AGBL4: variants seen among roughly 807,000 people sequenced by gnomAD.
AGBL4 encodes cytosolic carboxypeptidase 6.
AGBL4 carries 58 observed loss-of-function variants against 66.4 expected under a neutral mutation model. That is an observed-to-expected ratio of 0.87 (90% confidence interval 0.71 to 1.09). The LOEUF is 1.09. AGBL4 is among the 50% of genes least tolerant of loss of function. AGBL4 has a pLI of 0.00. For synonymous variants in AGBL4, 234 were observed against 222.9 expected (o/e 1.05, Z -0.44); for missense variants, 579 against 631.0 (o/e 0.92, Z 0.88).
intron 5 of AGBL4, among the ~76,000 whole-genome samples, chr1:48,996,872 T>G (rs1488587777): frequency 6.6e-6 from 1 of 151,360 alleles, no homozygotes; most frequent in East Asian, 1.9e-4. Context: ...CTTATCTATA[T>G]AAAGATATAA....
chr1:49,850,685 CAT>C (rs1055587721), intron 2 of AGBL4, among the ~76,000 whole-genome samples: 1 of 152,116 alleles, frequency 6.6e-6, no homozygotes, highest in Non-Finnish European at 1.5e-5. Flanking sequence ...TTCAGCCACA[CAT>C]ACACATACTT....
intron 6 of AGBL4, among the ~76,000 whole-genome samples, chr1:48,680,622 T>C (rs1646440306): frequency 6.6e-6 from 1 of 152,238 alleles, no homozygotes; most frequent in African/African-American, 2.4e-5. Context: ...GGCCACCTTG[T>C]GGCAAGGCCG....
chr1:49,070,946 T>G (rs1644591320), intron 4 of AGBL4, among the ~76,000 whole-genome samples: 1 of 152,010 alleles, frequency 6.6e-6, no homozygotes, highest in African/African-American at 2.4e-5. Flanking sequence ...ATTCAGAGAT[T>G]TGACTTCTTC....
intron 1 of AGBL4, among the ~76,000 whole-genome samples, chr1:49,948,311 T>TATATATAAATATATAAAC (rs1246626731): frequency 1.9e-4 from 21 of 108,846 alleles, no homozygotes; most frequent in Admixed American, 1.3e-4. Flanking sequence ...TATATAAATA[T>TATATATAAATATATAAAC]ATATATAAAT....
intron 6 of AGBL4, among the ~76,000 whole-genome samples, chr1:48,722,438 A>G (rs1647166809): frequency 1.3e-5 from 2 of 152,292 alleles, no homozygotes; most frequent in South Asian, 4.2e-4. Context: ...GGTGTGGCAC[A>G]GTGGCAGGTC....
At chr1:48,964,742 T>C (rs1296542936) in intron 5 of AGBL4, among the ~76,000 whole-genome samples, 1 of 152,116 alleles carries the variant, frequency 6.6e-6, no homozygotes, top group African/African-American at 2.4e-5. Context: ...AATAAATACA[T>C]ACATACATAC....
At chr1:48,776,561 A>G in intron 6 of AGBL4, 1 of 748,548 alleles carries the variant, frequency 1.3e-6, no homozygotes, top group Non-Finnish European at 1.8e-6. Context: ...CCGGGGTCCC[A>G]GCCCCCGCCC....
chr1:49,192,055 C>T (rs1319988258), intron 4 of AGBL4, among the ~76,000 whole-genome samples: 4 of 152,100 alleles, frequency 2.6e-5, no homozygotes, highest in Non-Finnish European at 2.9e-5. Flanking sequence ...AATTGCTGTC[C>T]TAATTTACAT....
In AGBL4 at chr1:49,197,670, C is replaced by T. The variant is rs894890755; in HGVS notation, c.377+48100G>A. Among the ~76,000 whole-genome samples, 10 of 152,228 alleles carry T rather than the reference C, an allele frequency of 6.6e-5. No homozygotes were observed. The East Asian group carries it at 7.8e-4, about 12-fold the overall frequency. ...ACCTGTCCTGACCAAGGGAGCTTTT[C>T]GGGATATTCAGTAAAAAGTCACACA... On this transcript the variant is annotated intron_variant, in intron 4 of 13. Coordinates refer to ENST00000371839, the MANE Select transcript of AGBL4 (RefSeq NM_032785.4).
chr1:49,877,266 G>T (rs1326529608), intron 1 of AGBL4, among the ~76,000 whole-genome samples: 2 of 150,818 alleles, frequency 1.3e-5, no homozygotes, highest in African/African-American at 2.5e-5. Flanking sequence ...TCCAGTTTTT[G>T]CCCATTCAGT....
At chr1:49,959,943 A>C (rs1656984370) in intron 1 of AGBL4, among the ~76,000 whole-genome samples, 1 of 152,012 alleles carries the variant, frequency 6.6e-6, no homozygotes, top group Non-Finnish European at 1.5e-5. Context: ...GTATGTTCTC[A>C]CTTTTAAGTG....
At chr1:48,901,749 G>A (rs1275158909) in intron 5 of AGBL4, among the ~76,000 whole-genome samples, 2 of 152,136 alleles carry the variant, frequency 1.3e-5, no homozygotes, top group Non-Finnish European at 2.9e-5. Context: ...GGATGAGTGG[G>A]AATAGGGGAG....
At chr1:49,634,763 G>A (rs911336219) in intron 3 of AGBL4, among the ~76,000 whole-genome samples, 1 of 152,098 alleles carries the variant, frequency 6.6e-6, no homozygotes, top group Non-Finnish European at 1.5e-5. Context: ...ATTCTAACCG[G>A]CATGAGATGG....
chr1:49,730,147 G>GA (rs1649327154), intron 2 of AGBL4, among the ~76,000 whole-genome samples: 1 of 152,032 alleles, frequency 6.6e-6, no homozygotes, highest in East Asian at 1.9e-4. Flanking sequence ...TCACACAGTG[G>GA]GCTACCCACT....
intron 4 of AGBL4, among the ~76,000 whole-genome samples, chr1:49,108,996 G>A (rs922105558): frequency 1.1e-4 from 16 of 152,132 alleles, no homozygotes; most frequent in Non-Finnish European, 1.9e-4. Context: ...GAAAAATGAG[G>A]GGGTTGGATC....
At chr1:48,530,319 C>A (rs1569636646), downstream of AGBL4, among the ~76,000 whole-genome samples, 1 of 152,316 alleles carries the variant, frequency 6.6e-6, no homozygotes, top group Admixed American at 6.5e-5. Flanking sequence ...GGATCTAGAA[C>A]TACACCTGAC....
intron 5 of AGBL4, among the ~76,000 whole-genome samples, chr1:49,008,484 C>T (rs1049514216): frequency 5.4e-5 from 8 of 147,892 alleles, no homozygotes; most frequent in Non-Finnish European, 1.1e-4. Flanking sequence ...AGAAAGTCAA[C>T]AAGGATACCC....
intron 6 of AGBL4, among the ~76,000 whole-genome samples, chr1:48,687,415 A>G (rs1646552159): frequency 1.3e-5 from 2 of 152,170 alleles, no homozygotes; most frequent in South Asian, 4.1e-4. Flanking sequence ...TGCTCTTGCT[A>G]GCAGGTGATG....
rs184453974 is a variant in AGBL4, at chr1:49,052,907, T to C, written c.378-7107A>G. On this transcript the variant is annotated intron_variant, in intron 4 of 13. Coordinates refer to ENST00000371839, the MANE Select transcript of AGBL4 (RefSeq NM_032785.4). ...TTTTAGAAATGCAGTCATTGTATAG[T>C]AGAACTAATGTGGGTTTAGGCTGTA... Among the ~76,000 whole-genome samples the C allele has an allele frequency of 3.0e-4, 46 of 152,322 alleles. No individual in the cohort carries two copies. In the South Asian group the frequency reaches 6.8e-3, roughly 23 times the overall value.
Sources: allele counts gnomAD v4.1 joint callset (sites outside exome capture counted in the v4.1 genomes callset), GRCh38; gene constraint gnomAD v4.1.1; transcripts MANE v1.5; gene names NCBI Gene and HGNC (gene_info 2026-07-23, HGNC 2026-07-21).